The following LRTM3 variants were observed in gnomAD, a reference collection of about 807,000 sequenced individuals.
LRTM3 encodes leucine-rich repeat transmembrane protein 3.
the LRTM3 span, chr13:102,733,189 C>G: frequency 6.4e-7 from 1 of 1,551,402 alleles, no homozygotes; most frequent in South Asian, 1.2e-5. Flanking sequence ...ACCGTCGGAT[C>G]ACTTGCTTTT....
the LRTM3 span, chr13:102,735,024 G>C: frequency 1.9e-6 from 3 of 1,551,128 alleles, no homozygotes; most frequent in East Asian, 7.3e-5. Flanking sequence ...GTTAATATTG[G>C]TATGCTTTCC....
At chr13:102,749,810 T>C in the LRTM3 span, 1 of 1,551,422 alleles carries the variant, frequency 6.4e-7, no homozygotes, top group Non-Finnish European at 8.7e-7. Flanking sequence ...AAAAGAATCC[T>C]GTGCTTGGAC....
At chr13:102,730,180 T>C in the LRTM3 span, 11 of 1,550,694 alleles carry the variant, frequency 7.1e-6, no homozygotes, top group Non-Finnish European at 9.6e-6. Flanking sequence ...AATGGGAACC[T>C]GAATCTTCAC....
At chr13:102,732,449 G>A in the LRTM3 span, 16 of 1,550,914 alleles carry the variant, frequency 1.0e-5, no homozygotes, top group Non-Finnish European at 1.3e-5. Flanking sequence ...ATCTCTTATT[G>A]TTAATCTGCC....
At chr13:102,745,893 G>T in the LRTM3 span, 3 of 1,551,102 alleles carry the variant, frequency 1.9e-6, no homozygotes, top group African/African-American at 4.1e-5. Context: ...TGTGTTTGTG[G>T]TTGTACCTGA....
chr13:102,733,986 C>T, the LRTM3 span: 1 of 1,551,378 alleles, frequency 6.4e-7, no homozygotes, highest in Admixed American at 2.0e-5. Context: ...GTGTCTTTGT[C>T]TGTTTTGTTC....
the LRTM3 span, chr13:102,745,539 T>A: frequency 3.9e-6 from 6 of 1,550,978 alleles, no homozygotes; most frequent in African/African-American, 6.8e-5. Context: ...ATATTGAGCA[T>A]GTATGAAATT....
the LRTM3 span, chr13:102,758,876 A>T: frequency 3.2e-6 from 5 of 1,550,054 alleles, no homozygotes; most frequent in Non-Finnish European, 3.5e-6. Context: ...TCATGAATGT[A>T]TTATCTTCCA....
chr13:102,732,172 C>T, the LRTM3 span: 3 of 1,551,178 alleles, frequency 1.9e-6, no homozygotes, highest in Non-Finnish European at 2.6e-6. Flanking sequence ...GTGATTTTTC[C>T]TGGAATTTAG....
At chr13:102,750,293 A>G in the LRTM3 span, 1 of 1,548,820 alleles carries the variant, frequency 6.5e-7, no homozygotes, top group African/African-American at 1.4e-5. Context: ...TGACCATAGT[A>G]TTTCACGTGA....
the LRTM3 span, chr13:102,750,474 A>G: frequency 1.3e-6 from 1 of 793,620 alleles, no homozygotes; most frequent in Non-Finnish European, 1.9e-6. Context: ...AATGCAGCAT[A>G]GTATATGAAA....
the LRTM3 span, chr13:102,739,787 T>C: frequency 1.9e-6 from 3 of 1,549,274 alleles, no homozygotes; most frequent in Admixed American, 5.9e-5. Context: ...TTTATTCAAT[T>C]TGAAGTGAGG....
chr13:102,736,861 A>G, the LRTM3 span: 4 of 1,551,084 alleles, frequency 2.6e-6, no homozygotes, highest in Non-Finnish European at 3.5e-6. Flanking sequence ...ATGACAATGT[A>G]TATTTTAATT....
At chr13:102,739,027 T>A in the LRTM3 span, 1 of 1,550,368 alleles carries the variant, frequency 6.5e-7, no homozygotes. Flanking sequence ...TATCTGATAA[T>A]TCCTGCTGTG....
chr13:102,748,789 A>G, the LRTM3 span: 1 of 1,550,492 alleles, frequency 6.4e-7, no homozygotes, highest in Non-Finnish European at 8.7e-7. Flanking sequence ...CTTTTAGTTG[A>G]ACAGTGTTGA....
chr13:102,737,250 A>C, the LRTM3 span: 1 of 1,551,038 alleles, frequency 6.4e-7, no homozygotes, highest in East Asian at 2.4e-5. Flanking sequence ...TCCACCCCAA[A>C]AGACTTTGTA....
chr13:102,757,549 G>A, the LRTM3 span, among the ~76,000 whole-genome samples: 1 of 152,112 alleles, frequency 6.6e-6, no homozygotes, highest in Non-Finnish European at 1.5e-5. Flanking sequence ...CAACATTCCA[G>A]CAACTCTGAA....
chr13:102,746,157 A>G, the LRTM3 span: 4 of 1,551,124 alleles, frequency 2.6e-6, no homozygotes, highest in Admixed American at 3.9e-5. Context: ...TGGTGCTGCA[A>G]ACGTTGTCCA....
chr13:102,735,128 AC>A, the LRTM3 span: 2 of 1,551,232 alleles, frequency 1.3e-6, no homozygotes, highest in Non-Finnish European at 1.7e-6. Context: ...AACTTTCTGG[AC>A]CTTTTCCTCC....
Sources: gnomAD v4.1 joint callset for allele counts (sites outside exome capture counted in the v4.1 genomes callset) on GRCh38, gnomAD v4.1.1 for gene constraint, MANE v1.5 for transcripts, NCBI Gene and HGNC (gene_info 2026-07-23, HGNC 2026-07-21) for gene names.